Variants in FAR1 observed in about 807,000 individuals in gnomAD.
FAR1 encodes fatty acyl-CoA reductase 1.
FAR1 carries 22 observed loss-of-function variants against 61.1 expected under a neutral mutation model. The ratio of observed to expected loss-of-function variants is 0.36; its 90% CI spans 0.26 to 0.51. The LOEUF (loss-of-function observed/expected upper bound fraction) is 0.51, where lower values mean the gene tolerates loss of function less well. FAR1 is among the 20% of genes least tolerant of loss of function. The pLI is 0.95. For synonymous variants in FAR1, 206 were observed against 209.7 expected (o/e 0.98, Z 0.15); for missense variants, 359 against 626.9 (o/e 0.57, Z 4.56).
At chr11:13,703,417 A>T (rs1300263793) in intron 3 of FAR1, among the ~76,000 whole-genome samples, 2 of 152,132 alleles carry the variant, frequency 1.3e-5, no homozygotes, top group African/African-American at 4.8e-5. Context: ...TGTTAAGTTA[A>T]CCTACAAATA....
chr11:13,714,462 C>T, intron 8 of FAR1, 47 bp from the exon 9 acceptor site: 3 of 1,487,434 alleles, frequency 2.0e-6, no homozygotes, highest in East Asian at 2.4e-5. Flanking sequence ...TTCAAAACTT[C>T]ATTACATGGT....
At chr11:13,698,269 A>G (rs1053946039) in intron 2 of FAR1, among the ~76,000 whole-genome samples, 14 of 152,208 alleles carry the variant, frequency 9.2e-5, no homozygotes, top group African/African-American at 3.1e-4. Flanking sequence ...TTATCTTGCC[A>G]GGCAAGATCT....
At chr11:13,689,101 T>G (rs1343389716) in intron 1 of FAR1, among the ~76,000 whole-genome samples, 1 of 152,256 alleles carries the variant, frequency 6.6e-6, no homozygotes, top group African/African-American at 2.4e-5. Context: ...GAGCAGCATG[T>G]ATAAACCAGG....
intron 3 of FAR1, among the ~76,000 whole-genome samples, chr11:13,701,616 A>C (rs1462243327): frequency 6.6e-6 from 1 of 152,086 alleles, no homozygotes; most frequent in African/African-American, 2.4e-5. Context: ...TCTTTATCTA[A>C]TATGGAAGTA....
intron 11 of FAR1, 74 bp downstream of exon 11, chr11:13,727,757 G>A (rs1478036200): frequency 7.3e-7 from 1 of 1,376,620 alleles, no homozygotes; most frequent in Non-Finnish European, 9.8e-7. Context: ...TGGTAAACTG[G>A]TATATTTGCT....
At chr11:13,710,605 A>G (rs1337511166) in intron 4 of FAR1, 88 bp from the exon 5 acceptor site, 8 of 1,102,406 alleles carry the variant, frequency 7.3e-6, no homozygotes, top group Non-Finnish European at 8.9e-6. Flanking sequence ...AACAGCAGAT[A>G]TGTTTGAATG....
At chr11:13,709,187 C>T (rs1848471890) in intron 4 of FAR1, among the ~76,000 whole-genome samples, 1 of 152,062 alleles carries the variant, frequency 6.6e-6, no homozygotes, top group Admixed American at 6.5e-5. Context: ...CTGCTGCTTT[C>T]TCCTAAAATA....
At chr11:13,681,302 A>C (rs1469732460) in intron 1 of FAR1, among the ~76,000 whole-genome samples, 2 of 152,214 alleles carry the variant, frequency 1.3e-5, no homozygotes, top group African/African-American at 2.4e-5. Flanking sequence ...TAGGTCCAAC[A>C]TGGGTTGGTG....
intron 10 of FAR1, among the ~76,000 whole-genome samples, chr11:13,726,662 G>C (rs7944064): frequency 0.81 from 122,915 of 151,438 alleles, 50,303 homozygotes; most frequent in South Asian, 0.86. Flanking sequence ...GTTTTGAATT[G>C]GTGACTTGGT....
At chr11:13,725,623 T>G (rs1848660804) in intron 10 of FAR1, among the ~76,000 whole-genome samples, 2 of 152,164 alleles carry the variant, frequency 1.3e-5, no homozygotes, top group African/African-American at 4.8e-5. Flanking sequence ...ACTTGGACAA[T>G]GTACTCTAGT....
chr11:13,692,424 T>G (rs559886017), intron 1 of FAR1, among the ~76,000 whole-genome samples: 39 of 152,318 alleles, frequency 2.6e-4, no homozygotes, highest in Non-Finnish European at 5.0e-4. Context: ...CTGGGTCATA[T>G]GATAATTCTG....
chr11:13,691,035 A>C (rs995121688), intron 1 of FAR1, among the ~76,000 whole-genome samples: 1 of 152,252 alleles, frequency 6.6e-6, no homozygotes, highest in African/African-American at 2.4e-5. Flanking sequence ...ATAACAAAAT[A>C]TCTTAGACTG....
intron 2 of FAR1, among the ~76,000 whole-genome samples, chr11:13,697,812 C>T (rs1212370447): frequency 6.6e-6 from 1 of 152,114 alleles, no homozygotes; most frequent in Non-Finnish European, 1.5e-5. Flanking sequence ...TCCTTTTCCT[C>T]TGCTTGCCCC....
intron 3 of FAR1, among the ~76,000 whole-genome samples, chr11:13,702,875 C>T (rs1371133764): frequency 6.6e-6 from 1 of 152,098 alleles, no homozygotes; most frequent in Non-Finnish European, 1.5e-5. Flanking sequence ...TCTTTCTGTC[C>T]CCCTAGGGTA....
chr11:13,693,680 G>A (rs777934023), intron 1 of FAR1, among the ~76,000 whole-genome samples: 5 of 152,176 alleles, frequency 3.3e-5, no homozygotes, highest in Non-Finnish European at 7.3e-5. Context: ...AAGAGCTCTT[G>A]CCTCATTATA....
At chr11:13,673,230 G>A (rs1170015841) in intron 1 of FAR1, among the ~76,000 whole-genome samples, 1 of 152,228 alleles carries the variant, frequency 6.6e-6, no homozygotes, top group African/African-American at 2.4e-5. Context: ...AAACAGAGAG[G>A]AAAGAGTTGC....
At chr11:13,707,190 G>T (rs1380128299) in intron 3 of FAR1, among the ~76,000 whole-genome samples, 2 of 152,022 alleles carry the variant, frequency 1.3e-5, no homozygotes. Context: ...ATTACATGAT[G>T]CTTCATTGAT....
intron 1 of FAR1, among the ~76,000 whole-genome samples, chr11:13,688,357 T>C (rs1848212787): frequency 6.6e-6 from 1 of 152,180 alleles, no homozygotes; most frequent in South Asian, 2.1e-4. Context: ...AAGCAATCTT[T>C]ATTCTGTTAG....
chr11:13,671,958 A>G (rs1296057649), intron 1 of FAR1, among the ~76,000 whole-genome samples: 1 of 152,234 alleles, frequency 6.6e-6, no homozygotes, highest in Non-Finnish European at 1.5e-5. Context: ...TTCTGTAGAT[A>G]CTGAGGAATA....
Sources: gnomAD v4.1 joint callset for allele counts (sites outside exome capture counted in the v4.1 genomes callset) on GRCh38, gnomAD v4.1.1 for gene constraint, MANE v1.5 for transcripts, NCBI Gene and HGNC (gene_info 2026-07-23, HGNC 2026-07-21) for gene names.